The following GRM7 variants were observed in gnomAD, a reference collection of about 807,000 sequenced individuals.
GRM7 encodes glutamate metabotropic receptor 7.
Under a neutral mutation model 84.5 loss-of-function variants are expected in GRM7, and 35 were observed. The observed-to-expected ratio is 0.41, with a 90% CI of 0.32 to 0.55. The LOEUF (loss-of-function observed/expected upper bound fraction) is 0.55. GRM7 is among the 20% of genes least tolerant of loss of function. The pLI is 0.19. For synonymous variants in GRM7, 487 were observed against 455.1 expected, an observed-to-expected ratio of 1.07 and a Z score of -0.89; for missense variants, 1,003 against 1,194.6, an observed-to-expected ratio of 0.84 and a Z score of 2.36.
chr3:7,710,506 A>G (rs1701544848), intron 9 of GRM7, among the ~76,000 whole-genome samples: 1 of 20,696 alleles, frequency 4.8e-5, no homozygotes, highest in South Asian at 5.3e-3. Context: ...GTGTAAAAGG[A>G]GCATTATCAG....
intron 7 of GRM7, among the ~76,000 whole-genome samples, chr3:7,518,062 C>T (rs1261847231): frequency 6.6e-6 from 1 of 152,180 alleles, no homozygotes; most frequent in African/African-American, 2.4e-5. Context: ...CTATCCACTA[C>T]GGTGAGGATA....
intron 2 of GRM7, among the ~76,000 whole-genome samples, chr3:7,290,287 C>A (rs906069189): frequency 2.0e-5 from 3 of 152,142 alleles, no homozygotes; most frequent in African/African-American, 7.2e-5. Context: ...CTTTCTGGAA[C>A]AATTTCACCA....
intron 1 of GRM7, among the ~76,000 whole-genome samples, chr3:7,133,372 G>A (rs1693667039): frequency 6.6e-6 from 1 of 152,180 alleles, no homozygotes; most frequent in African/African-American, 2.4e-5. Flanking sequence ...GCACACATGA[G>A]GTGATAATTT....
intron 1 of GRM7, among the ~76,000 whole-genome samples, chr3:6,882,664 A>G (rs1695555245): frequency 6.6e-6 from 1 of 152,244 alleles, no homozygotes; most frequent in Non-Finnish European, 1.5e-5. Flanking sequence ...GGCACAATGC[A>G]AGCAAATATA....
chr3:7,110,007 A>G (rs1359031390), intron 1 of GRM7, among the ~76,000 whole-genome samples: 1 of 152,134 alleles, frequency 6.6e-6, no homozygotes, highest in Admixed American at 6.6e-5. Flanking sequence ...TTAACCTACA[A>G]ATGTACTTCA....
At chr3:7,390,235 T>A in intron 4 of GRM7, among the ~76,000 whole-genome samples, 1 of 152,158 alleles carries the variant, frequency 6.6e-6, no homozygotes, top group Non-Finnish European at 1.5e-5. Context: ...GTTATTCTGA[T>A]GGGTTTATGT....
At chr3:7,540,519 T>A (rs752381847) in intron 7 of GRM7, among the ~76,000 whole-genome samples, 36 of 152,234 alleles carry the variant, frequency 2.4e-4, no homozygotes, top group Non-Finnish European at 4.6e-4. Context: ...AATGTCCAAA[T>A]AGGCAAATCC....
At chr3:6,920,174 T>A (rs1200130063) in intron 1 of GRM7, among the ~76,000 whole-genome samples, 1 of 152,204 alleles carries the variant, frequency 6.6e-6, no homozygotes, top group Admixed American at 6.5e-5. Flanking sequence ...ATACTCTTTA[T>A]TATTTATAGA....
intron 1 of GRM7, among the ~76,000 whole-genome samples, chr3:7,010,356 G>C (rs527796631): frequency 6.6e-6 from 1 of 152,220 alleles, no homozygotes; most frequent in South Asian, 2.1e-4. Flanking sequence ...CAGGAGGCAG[G>C]GGCACAAGAA....
At chr3:7,155,775 C>A (rs984085904) in intron 2 of GRM7, among the ~76,000 whole-genome samples, 2 of 152,074 alleles carry the variant, frequency 1.3e-5, no homozygotes, top group African/African-American at 2.4e-5. Flanking sequence ...CTCAGTCAAG[C>A]TGAAGGGGAG....
intron 8 of GRM7, among the ~76,000 whole-genome samples, chr3:7,644,541 C>A (rs1174808266): frequency 4.6e-5 from 7 of 152,084 alleles, no homozygotes; most frequent in South Asian, 4.1e-4. Context: ...TTCAAAGATG[C>A]AGAAACTGAG....
At chr3:7,002,136 A>G (rs1483618827) in intron 1 of GRM7, among the ~76,000 whole-genome samples, 1 of 152,198 alleles carries the variant, frequency 6.6e-6, no homozygotes, top group African/African-American at 2.4e-5. Flanking sequence ...TAGGAAAGAG[A>G]CAAATAATCC....
intron 8 of GRM7, among the ~76,000 whole-genome samples, chr3:7,617,538 G>A (rs1268854930): frequency 6.6e-6 from 1 of 151,922 alleles, no homozygotes; most frequent in Non-Finnish European, 1.5e-5. Context: ...TAACCCAGAA[G>A]CCATAAAGCA....
intron 1 of GRM7, among the ~76,000 whole-genome samples, chr3:7,140,432 G>A (rs988891984): frequency 2.0e-5 from 3 of 151,994 alleles, no homozygotes; most frequent in African/African-American, 7.2e-5. Context: ...GGGAATTGTA[G>A]CACAGGGCTT....
intron 8 of GRM7, among the ~76,000 whole-genome samples, chr3:7,666,527 G>A (rs1172929980): frequency 6.6e-6 from 1 of 152,118 alleles, no homozygotes; most frequent in Non-Finnish European, 1.5e-5. Flanking sequence ...AAATGGATGT[G>A]GCGAAACCAG....
At chr3:7,667,044 G>A (rs145308404) in intron 8 of GRM7, among the ~76,000 whole-genome samples, 47 of 152,082 alleles carry the variant, frequency 3.1e-4, no homozygotes, top group African/African-American at 1.1e-3. Context: ...CTACACTAGA[G>A]ATGATAAACA....
intron 8 of GRM7, among the ~76,000 whole-genome samples, chr3:7,660,528 G>A (rs1348550366): frequency 6.6e-6 from 1 of 152,124 alleles, no homozygotes; most frequent in Non-Finnish European, 1.5e-5. Context: ...AGAGAAATAT[G>A]CTTTGTTGAT....
chr3:7,079,601 A>G (rs1273997940), intron 1 of GRM7, among the ~76,000 whole-genome samples: 5 of 152,154 alleles, frequency 3.3e-5, no homozygotes, highest in African/African-American at 1.2e-4. Context: ...TAGTAGGCAG[A>G]CAGTAGTTGA....
At chr3:7,415,740 C>G (rs1202101946) in intron 5 of GRM7, among the ~76,000 whole-genome samples, 1 of 152,122 alleles carries the variant, frequency 6.6e-6, no homozygotes, top group Non-Finnish European at 1.5e-5. Flanking sequence ...TACTGAGTGA[C>G]TCCTTTCTGC....
Sources: allele counts gnomAD v4.1 joint callset (sites outside exome capture counted in the v4.1 genomes callset), GRCh38; gene constraint gnomAD v4.1.1; transcripts MANE v1.5; gene names NCBI Gene and HGNC (gene_info 2026-07-23, HGNC 2026-07-21).